Variants in COL6A6 observed in about 807,000 individuals in gnomAD.
The protein encoded by COL6A6 is collagen type VI alpha 6 chain.
In COL6A6, 183 loss-of-function variants were observed where a neutral mutation model predicts 208.6. The ratio of observed to expected loss-of-function variants is 0.88; its 90% confidence interval spans 0.78 to 0.99. The LOEUF is 0.99. COL6A6 is among the 50% of genes least tolerant of loss of function. COL6A6 has a pLI of 0.00. For synonymous variants in COL6A6, 973 were observed against 1,011.8 expected (o/e 0.96, Z 0.73); for missense variants, 2,816 against 2,815.2 (o/e 1.00, Z -0.01).
At chr3:130,562,709 A>G (rs2062920774) in intron 2 of COL6A6, among the ~76,000 whole-genome samples, 1 of 152,312 alleles carries the variant, frequency 6.6e-6, no homozygotes, top group Non-Finnish European at 1.5e-5. Context: ...CAAAAAAACT[A>G]CAAGAGGAAA....
intron 20 of COL6A6, among the ~76,000 whole-genome samples, chr3:130,605,641 A>G (rs1053010662): frequency 6.6e-6 from 1 of 152,172 alleles, no homozygotes; most frequent in Non-Finnish European, 1.5e-5. Flanking sequence ...AAATAAAATA[A>G]AGACTTCTAA....
At chr3:130,610,038 C>CTTTATTTCAT (rs2064309557) in intron 22 of COL6A6, among the ~76,000 whole-genome samples, 1 of 144,112 alleles carries the variant, frequency 6.9e-6, no homozygotes. Flanking sequence ...AGATTGACTG[C>CTTTATTTCAT]TTTATTTCAT....
rs79135097 is a variant in COL6A6 at position 130,582,550 on chromosome 3, T to C, written c.3970+482T>C. On this transcript the variant is annotated intron_variant, in intron 10 of 36. Coordinates refer to ENST00000358511, the MANE Select transcript of COL6A6 (RefSeq NM_001102608.3). ...TCAGTTCCTTCCTTCAGACCATGGA[T>C]TGGCCAACCATGGTGTTTGAGATTT... Among the ~76,000 whole-genome samples, 1,391 of 152,280 alleles carry C rather than the reference T, an allele frequency of 9.1e-3. 19 individuals are homozygous for C. Among genetic ancestry groups the C allele is most frequent in the African/African-American group, 0.03 (1,258 of 41,556 alleles).
Position 130,641,697 on chromosome 3 carries a change from G to T in COL6A6, c.5137G>T (p.Gly1713Ter). Residue 1713 changes from glycine (G) to a stop codon, truncating the protein, a stop_gained, in exon 29 of 37, where the codon GGA becomes TGA. Transcript: ENST00000358511. LOFTEE classifies it high-confidence loss of function. ...AGAGATGGGATCCCCTGGGGAACCA[G>T]GACCTCCTGGACGTAAGGTAAGTAG... The part of the protein sequence containing the change: ...PGEMGSPGEP[G>*]PPGRKGVKGA... 6.3e-7 allele frequency: 1 copy of T among 1,594,910 alleles called. No individual in the cohort carries two copies. Among genetic ancestry groups the T allele is most frequent in the Non-Finnish European group, 8.6e-7 (1 of 1,164,350 alleles).
chr3:130,537,150 C>T (rs1559961595), intron 1 of COL6A6, among the ~76,000 whole-genome samples: 1 of 152,196 alleles, frequency 6.6e-6, no homozygotes, highest in Non-Finnish European at 1.5e-5. Flanking sequence ...TTTGTTACAG[C>T]TCAGCAATTA....
intron 23 of COL6A6, among the ~76,000 whole-genome samples, chr3:130,618,005 G>A (rs1236559035): frequency 6.6e-6 from 1 of 152,172 alleles, no homozygotes. Flanking sequence ...CAAGGGCTCT[G>A]TAACTAATAC....
At chr3:130,639,109 C>CT (rs1328506369) in intron 28 of COL6A6, among the ~76,000 whole-genome samples, 3 of 152,084 alleles carry the variant, frequency 2.0e-5, no homozygotes, top group African/African-American at 7.2e-5. Flanking sequence ...TGTCGTCCAG[C>CT]TTTTTGTCTT....
At chr3:130,617,089 T>A (rs1402402349) in intron 23 of COL6A6, among the ~76,000 whole-genome samples, 1 of 152,146 alleles carries the variant, frequency 6.6e-6, no homozygotes, top group Non-Finnish European at 1.5e-5. Context: ...GATAGTAATA[T>A]AACAATACGT....
intron 2 of COL6A6, among the ~76,000 whole-genome samples, chr3:130,560,840 G>A (rs1380383778): frequency 6.6e-6 from 1 of 152,184 alleles, no homozygotes; most frequent in Non-Finnish European, 1.5e-5. Flanking sequence ...TGAAGAAAGT[G>A]CTTTTTCCCT....
intron 23 of COL6A6, among the ~76,000 whole-genome samples, chr3:130,612,091 T>G (rs929351947): frequency 2.0e-5 from 3 of 152,182 alleles, no homozygotes; most frequent in African/African-American, 7.2e-5. Flanking sequence ...GCTTCATCTA[T>G]GTTGCTGCAA....
At chr3:130,535,875 C>A (rs2062212399) in intron 1 of COL6A6, among the ~76,000 whole-genome samples, 1 of 152,150 alleles carries the variant, frequency 6.6e-6, no homozygotes. Context: ...TGCTTAGGTT[C>A]AAATCCCATT....
chr3:130,646,742 C>T (rs1231004615), intron 32 of COL6A6, among the ~76,000 whole-genome samples: 1 of 152,152 alleles, frequency 6.6e-6, no homozygotes, highest in Non-Finnish European at 1.5e-5. Context: ...GGGGAATAGG[C>T]AAAGGCCAGA....
intron 28 of COL6A6, among the ~76,000 whole-genome samples, chr3:130,637,611 A>G (rs1576373487): frequency 6.6e-6 from 1 of 152,194 alleles, no homozygotes; most frequent in African/African-American, 2.4e-5. Flanking sequence ...TCCCTCTAAA[A>G]GAGCTGAAGT....
chr3:130,621,462 C>G (rs1320480976), intron 23 of COL6A6, among the ~76,000 whole-genome samples: 3 of 152,166 alleles, frequency 2.0e-5, no homozygotes, highest in Non-Finnish European at 2.9e-5. Flanking sequence ...CCAGTCCTTT[C>G]TACCAAAGGA....
In COL6A6 at chr3:130,591,102, A is replaced by C. The variant is rs1316501248; in HGVS notation, c.4272+8A>C. On this transcript the variant is annotated splice_region_variant and intron_variant, in intron 13 of 36. Coordinates refer to ENST00000358511, the MANE Select transcript of COL6A6 (RefSeq NM_001102608.3). ...GGAGAGGAGGGAATCGCTGTAAGTC[A>C]GGGCTCTTTTTTACCTCCATTTATC... 1.9e-6 allele frequency: 3 copies of C among 1,574,544 alleles called. No homozygotes were observed. In the African/African-American group the frequency reaches 4.0e-5, roughly 21 times the overall value.
Position 130,581,781 on chromosome 3 carries a change from C to A in COL6A6, c.3768C>A (p.Ile1256=). Residue 1256 remains isoleucine (I), a synonymous_variant, in exon 9 of 37, where the codon ATC becomes ATA. Coordinates refer to ENST00000358511, the MANE Select transcript of COL6A6 (RefSeq NM_001102608.3). ...AAAAATATTCTCCCAAGTTTGAGAT[C>A]TACAGTGAAAACATACTGAATAGCT... The part of the protein sequence containing the change: ...AMEKYSPKFE[I]YSENILNSLK... The A allele has an allele frequency of 6.2e-7, 1 of 1,613,722 alleles. No homozygotes were observed. The highest frequency in any genetic ancestry group is 8.5e-7 in the Non-Finnish European group (1 of 1,179,670).
At chr3:130,562,549 T>C (rs1157964735) in intron 2 of COL6A6, among the ~76,000 whole-genome samples, 1 of 152,212 alleles carries the variant, frequency 6.6e-6, no homozygotes, top group Non-Finnish European at 1.5e-5. Flanking sequence ...GTACAACTTA[T>C]ATGGTTTTAA....
In COL6A6 at chr3:130,675,217, A is replaced by T; in HGVS notation, c.6612A>T (p.Pro2204=). Residue 2204 remains proline (P), a synonymous_variant, in exon 37 of 37, where the codon CCA becomes CCT. Coordinates refer to ENST00000358511, the MANE Select transcript of COL6A6 (RefSeq NM_001102608.3). The stretch of plus-strand genomic sequence containing the variant: ...TGTTGTATAGCTTTGTTCCTGGACC[A>T]CTTAAAGCTACCCTCAAAGAAGATG... The part of the protein sequence containing the change: ...PRPFRSFVPG[P]LKATLKEDVL... The T allele has an allele frequency of 6.3e-7, 1 of 1,578,130 alleles. No homozygotes were observed. The highest frequency in any genetic ancestry group is 8.6e-7 in the Non-Finnish European group (1 of 1,161,672).
rs760483835 is a variant in COL6A6 at position 130,567,231 on chromosome 3, C to A, written c.1812C>A (p.Asn604Lys). 6.2e-7 allele frequency: 1 copy of A among 1,611,648 alleles called. No homozygotes were observed. Among genetic ancestry groups the A allele is most frequent in the Non-Finnish European group, 8.5e-7 (1 of 1,178,974 alleles). ...HDFDALKDIR[N>K]QVVQEICTEE... ...TTGATGCATTGAAAGACATAAGAAA[C>A]CAAGTTGTTCAAGAAATCTGTACTG... Residue 604 changes from asparagine (N) to lysine (K), a missense_variant, in exon 5 of 37, where the codon AAC becomes AAA. Transcript: ENST00000358511.
Sources: gnomAD v4.1 joint callset for allele counts (sites outside exome capture counted in the v4.1 genomes callset) on GRCh38, gnomAD v4.1.1 for gene constraint, MANE v1.5 for transcripts, NCBI Gene and HGNC (gene_info 2026-07-23, HGNC 2026-07-21) for gene names.